EIF2B3: variants seen among roughly 807,000 people sequenced by gnomAD.
EIF2B3 encodes eukaryotic translation initiation factor 2B subunit gamma.
A neutral mutation model predicts 54.1 loss-of-function variants in EIF2B3; 20 were observed. The observed-to-expected ratio is 0.37, with a 90% CI of 0.26 to 0.54. EIF2B3 has a LOEUF of 0.54. Among genes scored for constraint, EIF2B3 ranks in the 20% least tolerant of loss-of-function variants. EIF2B3 has a pLI of 0.86. For missense variants in EIF2B3, 448 were observed against 547.8 expected, an observed-to-expected ratio of 0.82 and a Z score of 1.82; for synonymous variants, 153 against 188.1, an observed-to-expected ratio of 0.81 and a Z score of 1.52.
chr1:44,913,301 A>G (rs920481676), intron 5 of EIF2B3, among the ~76,000 whole-genome samples: 1 of 151,450 alleles, frequency 6.6e-6, no homozygotes, highest in African/African-American at 2.4e-5. Context: ...TGGATTTAGG[A>G]AAAAAAAATC....
At chr1:44,852,080 C>A (rs959995063) in intron 11 of EIF2B3, among the ~76,000 whole-genome samples, 4 of 151,470 alleles carry the variant, frequency 2.6e-5, no homozygotes, top group Admixed American at 1.3e-4. Context: ...TCCCCAGTAG[C>A]TGGGACTACA....
rs759452164 is a variant in EIF2B3 at position 44,879,955 on chromosome 1, C to A, written c.838G>T (p.Ala280Ser). Residue 280 changes from alanine to serine, a missense_variant, in exon 8 of 12, where the codon GCC becomes TCC. Physicochemically the swap from Ala to Ser is moderately conservative, Grantham distance 99. Coordinates refer to ENST00000360403, the MANE Select transcript of EIF2B3 (RefSeq NM_020365.5). Reference protein sequence around the residue: ...ANTLNLAPYDACWNACRGDRW... With the variant: ...ANTLNLAPYDSCWNACRGDRW... ...TCTCCTCGACAGGCATTCCAGCAGG[C>A]ATCATAGGGAGCCAGGTTCAGTGTA... The A allele has an allele frequency of 5.0e-6, 8 of 1,614,086 alleles. No homozygotes were observed. The Admixed American group carries it at 5.0e-5, about 10-fold the overall frequency.
At chr1:44,984,056 G>A (rs184242603) in intron 1 of EIF2B3, among the ~76,000 whole-genome samples, 140 of 151,848 alleles carry the variant, frequency 9.2e-4, no homozygotes, top group African/African-American at 2.6e-3. Flanking sequence ...TCAGGCACCC[G>A]TAATCCCAGC....
intron 5 of EIF2B3, among the ~76,000 whole-genome samples, chr1:44,926,097 G>T (rs1240636097): frequency 6.7e-6 from 1 of 149,450 alleles, no homozygotes. Flanking sequence ...GCGTGGTGGC[G>T]CATACCTGTA....
At chr1:44,941,760 A>T in intron 3 of EIF2B3, 95 bp from the exon 4 acceptor site, 1 of 1,379,636 alleles carries the variant, frequency 7.2e-7, no homozygotes, top group South Asian at 1.2e-5. Flanking sequence ...AAACCACACA[A>T]ATCAGACAAT....
At chr1:44,942,377 T>TTTTATATATATATATATATA (rs1318229963) in intron 3 of EIF2B3, among the ~76,000 whole-genome samples, 1 of 21,586 alleles carries the variant, frequency 4.6e-5, no homozygotes, top group African/African-American at 3.0e-4. Flanking sequence ...CTTTCTGATT[T>TTTTATATATATATATATATA]TATATATATA....
At chr1:44,885,642 A>C (rs1328173740) in intron 6 of EIF2B3, among the ~76,000 whole-genome samples, 1 of 152,252 alleles carries the variant, frequency 6.6e-6, no homozygotes, top group Non-Finnish European at 1.5e-5. Flanking sequence ...CTTTCAAAAA[A>C]AGGTATTCCC....
At chr1:44,877,039 C>T (rs1655186430) in intron 8 of EIF2B3, among the ~76,000 whole-genome samples, 1 of 150,422 alleles carries the variant, frequency 6.6e-6, no homozygotes, top group Non-Finnish European at 1.5e-5. Flanking sequence ...ATCTTAAGTA[C>T]CCAGGGACAC....
chr1:44,924,156 G>C (rs984373964), intron 5 of EIF2B3, among the ~76,000 whole-genome samples: 4 of 152,012 alleles, frequency 2.6e-5, no homozygotes, highest in Admixed American at 2.6e-4. Flanking sequence ...TAGCCAAGAT[G>C]GTCTTGATCT....
chr1:44,973,574 T>G (rs1427732210), intron 3 of EIF2B3, among the ~76,000 whole-genome samples: 1 of 152,050 alleles, frequency 6.6e-6, no homozygotes. Flanking sequence ...AGGTAGGGCA[T>G]GCACCTGTAG....
At chr1:44,886,665 A>G (rs974236932) in intron 6 of EIF2B3, among the ~76,000 whole-genome samples, 10 of 152,244 alleles carry the variant, frequency 6.6e-5, no homozygotes, top group Non-Finnish European at 1.2e-4. Flanking sequence ...CAGCAGCCAT[A>G]ATTCAACTAC....
intron 10 of EIF2B3, among the ~76,000 whole-genome samples, chr1:44,872,402 T>A (rs1341553039): frequency 6.6e-6 from 1 of 151,840 alleles, no homozygotes; most frequent in African/African-American, 2.4e-5. Context: ...TCCCAGCACT[T>A]TGGGAGGCTG....
At chr1:44,902,829 TAAAAAAAAAAA>T (rs11458839) in intron 5 of EIF2B3, among the ~76,000 whole-genome samples, 13 of 85,462 alleles carry the variant, frequency 1.5e-4, no homozygotes, top group African/African-American at 4.9e-4. Context: ...ACTCTTTCTT[TAAAAAAAAAAA>T]AAAAAAAAAA....
At chr1:44,853,994 G>GTTTTTTTTTTTTTTTTT (rs113200962) in intron 11 of EIF2B3, among the ~76,000 whole-genome samples, 1 of 137,472 alleles carries the variant, frequency 7.3e-6, no homozygotes, top group African/African-American at 2.8e-5. Context: ...AGCAGTTAGT[G>GTTTTTTTTTTTTTTTTT]TTTTTTTTTT....
At chr1:44,933,604 A>C (rs1481742942) in intron 4 of EIF2B3, among the ~76,000 whole-genome samples, 2 of 152,114 alleles carry the variant, frequency 1.3e-5, no homozygotes, top group African/African-American at 4.8e-5. Flanking sequence ...ATAATTAGAT[A>C]CTCTTTAAAT....
At chr1:44,918,814 A>G (rs752637446) in intron 5 of EIF2B3, among the ~76,000 whole-genome samples, 1 of 152,104 alleles carries the variant, frequency 6.6e-6, no homozygotes, top group Non-Finnish European at 1.5e-5. Flanking sequence ...ATACACCCAT[A>G]CTTCCTTATG....
Position 44,882,937 on chromosome 1 carries a change from T to G in EIF2B3, c.657-1198A>C, listed in dbSNP as rs1216089028. Among the ~76,000 whole-genome samples, 5 of 145,214 alleles carry G rather than the reference T, an allele frequency of 3.4e-5. 1 individual carries two copies. In the East Asian group the frequency reaches 9.9e-4, roughly 29 times the overall value. On this transcript the variant is annotated intron_variant, in intron 6 of 11. Coordinates refer to ENST00000360403, the MANE Select transcript of EIF2B3 (RefSeq NM_020365.5). ...ACTTTTTTTTCTTTTTCTTTTTTTT[T>G]TTTTTTTTTTGAGATGGAGTCTCGC...
At chr1:44,977,542 G>A (rs1242519862) in intron 3 of EIF2B3, among the ~76,000 whole-genome samples, 1 of 150,594 alleles carries the variant, frequency 6.6e-6, no homozygotes, top group Non-Finnish European at 1.5e-5. Context: ...TCGGCTCACT[G>A]CAACCTCCAC....
chr1:44,882,847 T>C (rs1655448651), intron 6 of EIF2B3, among the ~76,000 whole-genome samples: 1 of 151,476 alleles, frequency 6.6e-6, no homozygotes, highest in African/African-American at 2.4e-5. Flanking sequence ...ACTCCTGGCC[T>C]CAAGTGATCC....
Sources: allele counts gnomAD v4.1 joint callset (sites outside exome capture counted in the v4.1 genomes callset), GRCh38; gene constraint gnomAD v4.1.1; transcripts MANE v1.5; gene names NCBI Gene and HGNC (gene_info 2026-07-23, HGNC 2026-07-21).